Variants in MAMDC2 observed in about 807,000 individuals in gnomAD.
MAMDC2 encodes the protein MAM domain-containing protein 2.
In MAMDC2, 57 loss-of-function variants were observed where a neutral mutation model predicts 89.8. The observed-to-expected ratio is 0.63, with a 90% confidence interval of 0.51 to 0.79. MAMDC2 has a LOEUF of 0.79. Among genes scored for constraint, MAMDC2 ranks in the 30% least tolerant of loss-of-function variants. MAMDC2 has a pLI of 0.00. For missense variants in MAMDC2, 800 were observed against 820.6 expected (o/e 0.97, Z 0.31); for synonymous variants, 313 against 293.4 (o/e 1.07, Z -0.68).
At chr9:70,160,845 G>A (rs1053410546) in intron 9 of MAMDC2, among the ~76,000 whole-genome samples, 1 of 151,754 alleles carries the variant, frequency 6.6e-6, no homozygotes, top group Non-Finnish European at 1.5e-5. Flanking sequence ...ATCAACAAAC[G>A]TAAGGCAAAA....
At position 70,218,394 on chromosome 9, in the gene MAMDC2, T is replaced by C. The variant is rs142380496; in HGVS notation, c.1709T>C (p.Leu570Ser). The C allele has an allele frequency of 1.6e-4, 266 of 1,614,216 alleles. 1 individual carries two copies. In the East Asian group the frequency reaches 3.4e-3, roughly 20 times the overall value. Residue 570 changes from leucine to serine, a missense_variant, in exon 12 of 14, where the codon TTG becomes TCG. Coordinates refer to ENST00000377182, the MANE Select transcript of MAMDC2 (RefSeq NM_153267.5). ...GTGTATGGACAAAAAGCACGCCTCT[T>C]GTCCAGGCCTCTGCGAGGAGTCTCT... ...HMVYGQKARL[L>S]SRPLRGVSGK...
chr9:70,135,098 G>C (rs2030955062), intron 7 of MAMDC2, among the ~76,000 whole-genome samples: 1 of 152,194 alleles, frequency 6.6e-6, no homozygotes, highest in Non-Finnish European at 1.5e-5. Flanking sequence ...TATCTTCAAA[G>C]CTTCTCATTT....
intron 11 of MAMDC2, chr9:70,176,004 G>A (rs770942852): frequency 2.0e-5 from 3 of 152,268 alleles, no homozygotes; most frequent in South Asian, 4.1e-4. Context: ...ATTCTAGTAC[G>A]TGGGTTAGGG....
chr9:70,127,088 C>T (rs1031102523), intron 6 of MAMDC2, among the ~76,000 whole-genome samples: 7 of 152,128 alleles, frequency 4.6e-5, no homozygotes, highest in Non-Finnish European at 8.8e-5. Context: ...ACTATCTTTT[C>T]GACCTTTTTC....
intron 11 of MAMDC2, among the ~76,000 whole-genome samples, chr9:70,183,050 T>C (rs947231146): frequency 2.0e-5 from 3 of 152,244 alleles, no homozygotes; most frequent in Non-Finnish European, 4.4e-5. Context: ...ACATTGTGTC[T>C]TTGTTCTCAT....
chr9:70,136,146 T>G lies in MAMDC2; in HGVS notation c.995-3999T>G, dbSNP rs534296931. Among the ~76,000 whole-genome samples the G allele has an allele frequency of 4.6e-5, 7 of 152,202 alleles. No homozygotes were observed. The East Asian group carries it at 1.4e-3, about 29-fold the overall frequency. ...AGCCTGGACCACAAAGTGGGACCCTTTCTCAAAAACAAAAAGCAAACAAAA... is the reference window on the plus strand; with the variant it reads ...AGCCTGGACCACAAAGTGGGACCCTGTCTCAAAAACAAAAAGCAAACAAAA... On this transcript the variant is annotated intron_variant, in intron 7 of 13. Transcript: ENST00000377182.
chr9:70,144,210 T>G (rs759131973), intron 9 of MAMDC2, among the ~76,000 whole-genome samples: 1 of 152,148 alleles, frequency 6.6e-6, no homozygotes, highest in Non-Finnish European at 1.5e-5. Context: ...AATGCTAGTA[T>G]TTTAAAAAGG....
intron 11 of MAMDC2, among the ~76,000 whole-genome samples, chr9:70,205,487 C>T (rs1466677599): frequency 6.6e-6 from 1 of 152,190 alleles, no homozygotes. Context: ...GTCCATTCCA[C>T]ACAGCCTCTC....
At chr9:70,127,550 G>C (rs1187820033) in intron 6 of MAMDC2, among the ~76,000 whole-genome samples, 1 of 152,002 alleles carries the variant, frequency 6.6e-6, no homozygotes, top group Non-Finnish European at 1.5e-5. Context: ...CTCTGGATGG[G>C]TTTCGGTGGT....
chr9:70,101,591 T>C (rs1563954210), intron 2 of MAMDC2, among the ~76,000 whole-genome samples: 1 of 152,214 alleles, frequency 6.6e-6, no homozygotes, highest in Non-Finnish European at 1.5e-5. Flanking sequence ...GTACTTATCA[T>C]TGTGTTTCAA....
intron 9 of MAMDC2, among the ~76,000 whole-genome samples, chr9:70,145,613 C>T (rs1338735057): frequency 1.3e-5 from 2 of 151,784 alleles, no homozygotes; most frequent in Non-Finnish European, 2.9e-5. Context: ...TACCAGAGTC[C>T]CACAATCAGG....
chr9:70,139,487 A>G (rs1166280372), intron 7 of MAMDC2, among the ~76,000 whole-genome samples: 2 of 151,606 alleles, frequency 1.3e-5, no homozygotes, highest in Non-Finnish European at 2.9e-5. Flanking sequence ...TCCATGGTGT[A>G]TATGTGCCAC....
chr9:70,145,884 A>C (rs984319124), intron 9 of MAMDC2, among the ~76,000 whole-genome samples: 4 of 152,222 alleles, frequency 2.6e-5, no homozygotes, highest in Admixed American at 1.3e-4. Context: ...TAAGATATGT[A>C]AGCAACTAAC....
chr9:70,044,782 T>C lies in MAMDC2; in HGVS notation c.148+85T>C, dbSNP rs73458478. 1,234 of 967,762 alleles carry C rather than the reference T, an allele frequency of 1.3e-3. 8 individuals are homozygous for C. In the African/African-American group the frequency reaches 0.016, roughly 13 times the overall value. 59.9% of individuals were successfully genotyped at this position (967,762 alleles called of 1,614,324 possible). ...TTTTTCCCACATGGGTAATGTTATC[T>C]TGGAGTTAATTCTCCGCGGCAAGAA... On this transcript the variant is annotated intron_variant, in intron 2 of 13. Coordinates refer to ENST00000377182, the MANE Select transcript of MAMDC2 (RefSeq NM_153267.5).
At chr9:70,109,567 A>G (rs563540108) in intron 3 of MAMDC2, among the ~76,000 whole-genome samples, 153 bp from the exon 4 acceptor site, 1 of 152,370 alleles carries the variant, frequency 6.6e-6, no homozygotes, top group South Asian at 2.1e-4. Flanking sequence ...TAAAGTCCGT[A>G]GTGAAATTGG....
chr9:70,088,769 T>G (rs1827826417), intron 2 of MAMDC2: 1 of 151,878 alleles, frequency 6.6e-6, no homozygotes, highest in Admixed American at 6.6e-5. Flanking sequence ...AGAAAAATAT[T>G]AAGTAATATT....
At chr9:70,059,571 T>G (rs538092973) in intron 2 of MAMDC2, among the ~76,000 whole-genome samples, 1 of 152,300 alleles carries the variant, frequency 6.6e-6, no homozygotes, top group Admixed American at 6.5e-5. Context: ...CCTCATTCAT[T>G]CAGGTAATCT....
At chr9:70,070,264 A>G (rs1357405662) in intron 2 of MAMDC2, among the ~76,000 whole-genome samples, 4 of 152,206 alleles carry the variant, frequency 2.6e-5, no homozygotes, top group African/African-American at 9.7e-5. Flanking sequence ...CACTCCAGGC[A>G]TGTGGAAAGA....
At chr9:70,134,086 T>C (rs1465678409) in intron 7 of MAMDC2, among the ~76,000 whole-genome samples, 1 of 152,186 alleles carries the variant, frequency 6.6e-6, no homozygotes, top group Non-Finnish European at 1.5e-5. Flanking sequence ...TCCAGACTTC[T>C]TGTCTCTGCT....
Sources: allele counts gnomAD v4.1 joint callset (sites outside exome capture counted in the v4.1 genomes callset), GRCh38; gene constraint gnomAD v4.1.1; transcripts MANE v1.5; gene names NCBI Gene and HGNC (gene_info 2026-07-23, HGNC 2026-07-21).